Variants in IFT80 observed in about 807,000 individuals in gnomAD.
IFT80 encodes the protein intraflagellar transport 80, also known as intraflagellar transport protein 80 homolog.
IFT80 carries 79 observed loss-of-function variants against 107.9 expected under a neutral mutation model. The ratio of observed to expected loss-of-function variants is 0.73; its 90% CI spans 0.61 to 0.88. IFT80 has a LOEUF of 0.88. IFT80 is among the 40% of genes least tolerant of loss of function. IFT80 has a pLI of 0.00. For missense variants in IFT80, 797 were observed against 914.2 expected (o/e 0.87, Z 1.65); for synonymous variants, 299 against 300.9 (o/e 0.99, Z 0.07).
At chr3:160,352,822 CA>C (rs1475336316) in intron 8 of IFT80, among the ~76,000 whole-genome samples, 1 of 152,272 alleles carries the variant, frequency 6.6e-6, no homozygotes, top group African/African-American at 2.4e-5. Flanking sequence ...ACTTATACAG[CA>C]AGGATTTATC....
At chr3:160,282,017 C>T (rs1209104427) in intron 14 of IFT80, among the ~76,000 whole-genome samples, 3 of 152,234 alleles carry the variant, frequency 2.0e-5, no homozygotes, top group South Asian at 4.1e-4. Context: ...GTGGCTTACG[C>T]CTGTAATCCC....
intron 2 of IFT80, chr3:160,384,087 A>C (rs555857879): frequency 4.7e-5 from 13 of 274,880 alleles, no homozygotes; most frequent in Non-Finnish European, 7.2e-5. Flanking sequence ...TCTACTAAAA[A>C]TACAAAAATT....
At chr3:160,359,440 G>A (rs1012262515) in intron 6 of IFT80, among the ~76,000 whole-genome samples, 3 of 152,140 alleles carry the variant, frequency 2.0e-5, no homozygotes, top group Admixed American at 6.6e-5. Flanking sequence ...CACAGAAGAC[G>A]GGTGATTTCT....
At chr3:160,301,142 T>G (rs1576774976) in intron 11 of IFT80, 96 bp from the exon 12 acceptor site, 34 of 1,147,616 alleles carry the variant, frequency 3.0e-5, no homozygotes, top group Admixed American at 2.4e-4. Context: ...AAAAAAAATC[T>G]AAATCTTACA....
chr3:160,268,362 CAT>C, intron 19 of IFT80, 49 bp downstream of exon 19: 1 of 1,471,364 alleles, frequency 6.8e-7, no homozygotes, highest in Non-Finnish European at 9.5e-7. Flanking sequence ...ATGAATATGA[CAT>C]ATACTTATAA....
chr3:160,297,735 T>C (rs532047763), intron 12 of IFT80, among the ~76,000 whole-genome samples: 31 of 152,144 alleles, frequency 2.0e-4, no homozygotes, highest in African/African-American at 7.5e-4. Context: ...CCTATTATTT[T>C]CATAGCTATG....
chr3:160,285,828 A>G lies in IFT80; in HGVS notation c.1356T>C (p.Gly452=). The G allele has an allele frequency of 6.2e-7, 1 of 1,611,866 alleles. No homozygotes were observed. Among genetic ancestry groups the G allele is most frequent in the Non-Finnish European group, 8.5e-7 (1 of 1,178,392 alleles). ...CCTTATGAGAAAGAAACTTTCCATC[A>G]CCTAACGGCTTTCCGGTTGATGCCT... ...LFEASTGKPL[G]DGKFLSHKNE... The change falls in exon 13 of 20, where the codon GGT becomes GGC. Residue 452 remains glycine, a synonymous_variant. Coordinates refer to ENST00000326448, the MANE Select transcript of IFT80 (RefSeq NM_020800.3).
intron 8 of IFT80, among the ~76,000 whole-genome samples, chr3:160,324,269 A>C (rs1718500492): frequency 6.6e-6 from 1 of 152,184 alleles, no homozygotes; most frequent in Non-Finnish European, 1.5e-5. Context: ...ATCCTTCCTA[A>C]CTCATTTTAT....
chr3:160,336,151 G>A (rs1719446047), intron 8 of IFT80, among the ~76,000 whole-genome samples: 1 of 152,150 alleles, frequency 6.6e-6, no homozygotes, highest in African/African-American at 2.4e-5. Flanking sequence ...TTTCTCTTGG[G>A]TATATACCCA....
chr3:160,285,258 A>G (rs551705132), intron 13 of IFT80, among the ~76,000 whole-genome samples: 1 of 152,318 alleles, frequency 6.6e-6, no homozygotes, highest in Middle Eastern at 3.4e-3. Flanking sequence ...GTATTAATAA[A>G]ACTAAAAGTG....
At chr3:160,309,394 TA>T (rs1178696795) in intron 9 of IFT80, among the ~76,000 whole-genome samples, 2 of 152,026 alleles carry the variant, frequency 1.3e-5, no homozygotes, top group Non-Finnish European at 2.9e-5. Flanking sequence ...TGAGATGTAG[TA>T]AAGTGAAAAA....
rs373119840 is a variant in IFT80 at position 160,277,611 on chromosome 3, A to G, written c.1896T>C (p.Thr632=). The G allele has an allele frequency of 1.9e-6, 3 of 1,613,552 alleles. No individual in the cohort carries two copies. Among genetic ancestry groups the G allele is most frequent in the East Asian group, 4.5e-5 (2 of 44,838 alleles). ...AMAVANRDMT[T]AEIAYAAIGE... ...CAATTGCTGCATAGGCTATTTCTGC[A>G]GTAGTCATATCTCGATTAGCAACTG... The change falls in exon 17 of 20, where the codon ACT becomes ACC. Residue 632 remains threonine (T), a synonymous_variant. Coordinates refer to ENST00000326448, the MANE Select transcript of IFT80 (RefSeq NM_020800.3).
At chr3:160,262,114 T>G (rs1373617722) in intron 19 of IFT80, among the ~76,000 whole-genome samples, 1 of 151,998 alleles carries the variant, frequency 6.6e-6, no homozygotes, top group African/African-American at 2.4e-5. Context: ...ATGGGAGAGA[T>G]AGGTGAAAAG....
intron 8 of IFT80, chr3:160,343,569 T>C (rs116313199): frequency 5.5e-4 from 85 of 153,194 alleles, no homozygotes; most frequent in South Asian, 1.0e-3. Context: ...ATTTATTATG[T>C]AATATAGAAA....
Position 160,285,827 on chromosome 3 carries a change from C to T in IFT80, c.1357G>A (p.Asp453Asn), listed in dbSNP as rs767908623. 1 of 1,610,654 alleles carries T rather than the reference C, an allele frequency of 6.2e-7. No homozygotes were observed. Among genetic ancestry groups the T allele is most frequent in the Admixed American group, 1.7e-5 (1 of 59,876 alleles). ...FEASTGKPLG[D>N]GKFLSHKNEI... Reference sequence around the variant, plus strand: ...ACCTTATGAGAAAGAAACTTTCCATCACCTAACGGCTTTCCGGTTGATGCC... The same window carrying T: ...ACCTTATGAGAAAGAAACTTTCCATTACCTAACGGCTTTCCGGTTGATGCC... Residue 453 changes from aspartate (D) to asparagine (N), a missense_variant, in exon 13 of 20, where the codon GAT becomes AAT. Coordinates refer to ENST00000326448, the MANE Select transcript of IFT80 (RefSeq NM_020800.3).
At chr3:160,352,573 A>G (rs960738044) in intron 8 of IFT80, among the ~76,000 whole-genome samples, 4 of 152,086 alleles carry the variant, frequency 2.6e-5, no homozygotes, top group Non-Finnish European at 5.9e-5. Flanking sequence ...AAACTTCCTA[A>G]AAATACCACT....
At chr3:160,299,095 T>A in intron 12 of IFT80, 2 of 992,204 alleles carry the variant, frequency 2.0e-6, no homozygotes, top group Non-Finnish European at 2.4e-6. Context: ...GGACTTTCAA[T>A]CTTAAGTTTA....
chr3:160,366,537 A>C (rs1721878582), intron 5 of IFT80, among the ~76,000 whole-genome samples: 1 of 152,074 alleles, frequency 6.6e-6, no homozygotes, highest in African/African-American at 2.4e-5. Context: ...GACAGCCATC[A>C]GTATGTATTT....
intron 5 of IFT80, among the ~76,000 whole-genome samples, chr3:160,367,760 T>C (rs147758010): frequency 2.0e-5 from 3 of 152,210 alleles, no homozygotes; most frequent in East Asian, 1.9e-4. Context: ...TACATTTAAG[T>C]ATAGTATTTC....
Sources: allele counts gnomAD v4.1 joint callset (sites outside exome capture counted in the v4.1 genomes callset), GRCh38; gene constraint gnomAD v4.1.1; transcripts MANE v1.5; gene names NCBI Gene and HGNC (gene_info 2026-07-23, HGNC 2026-07-21).